CORO2B: variants seen among roughly 807,000 people sequenced by gnomAD.
CORO2B encodes the protein coronin 2B, also known as coronin-2B.
Under a neutral mutation model 58.8 loss-of-function variants are expected in CORO2B, and 26 were observed. The observed-to-expected ratio is 0.44, with a 90% CI of 0.32 to 0.61. The LOEUF (loss-of-function observed/expected upper bound fraction) is 0.61, where lower values mean the gene tolerates loss of function less well. Ranked by LOEUF, CORO2B falls within the 20% of genes least tolerant of loss-of-function variation. The pLI, the probability that CORO2B is intolerant of heterozygous loss-of-function variation, is 0.04. For missense variants in CORO2B, 460 were observed against 645.1 expected (o/e 0.71, Z 3.11); for synonymous variants, 242 against 253.8 (o/e 0.95, Z 0.44).
intron 11 of CORO2B, among the ~76,000 whole-genome samples, chr15:68,723,651 A>G (rs971730165): frequency 2.6e-5 from 4 of 151,738 alleles, no homozygotes; most frequent in African/African-American, 9.7e-5. Flanking sequence ...ATGGGGTTTC[A>G]CCATCTTGGC....
chr15:68,648,589 G>A (rs961652558), intron 2 of CORO2B, among the ~76,000 whole-genome samples: 1 of 152,056 alleles, frequency 6.6e-6, no homozygotes, highest in African/African-American at 2.4e-5. Context: ...GGTGGAGCTT[G>A]CAGTGAGCCA....
chr15:68,654,940 T>TA (rs1901757752), intron 2 of CORO2B, among the ~76,000 whole-genome samples: 1 of 152,188 alleles, frequency 6.6e-6, no homozygotes, highest in Admixed American at 6.5e-5. Context: ...AAGGTACCCA[T>TA]AGGCAAGTCA....
intron 2 of CORO2B, among the ~76,000 whole-genome samples, chr15:68,656,167 C>T (rs1425198147): frequency 2.9e-5 from 3 of 103,838 alleles, no homozygotes; most frequent in African/African-American, 4.1e-5. Context: ...CCCCTCGCAC[C>T]GTCCCCCCCG....
intron 2 of CORO2B, among the ~76,000 whole-genome samples, chr15:68,651,609 G>A (rs780826527): frequency 2.0e-5 from 3 of 152,166 alleles, no homozygotes; most frequent in Non-Finnish European, 4.4e-5. Flanking sequence ...TTGTCCCTAC[G>A]CTGAATGGCT....
intron 1 of CORO2B, among the ~76,000 whole-genome samples, chr15:68,643,999 T>C (rs1239965838): frequency 6.6e-6 from 1 of 152,080 alleles, no homozygotes; most frequent in Non-Finnish European, 1.5e-5. Flanking sequence ...ATCGCACCAT[T>C]GCACTCCAGC....
chr15:68,618,597 A>G (rs1900433406), intron 1 of CORO2B, among the ~76,000 whole-genome samples: 2 of 152,236 alleles, frequency 1.3e-5, no homozygotes, highest in Admixed American at 1.3e-4. Flanking sequence ...GGGTTATCAC[A>G]CTTGGTTCTC....
chr15:68,533,168 C>T, the CORO2B span, among the ~76,000 whole-genome samples: 1 of 152,174 alleles, frequency 6.6e-6, no homozygotes, highest in African/African-American at 2.4e-5. Context: ...CCCCAGAGAT[C>T]ATTTGGCTTA....
intron 3 of CORO2B, among the ~76,000 whole-genome samples, chr15:68,696,251 A>C (rs1892507583): frequency 7.0e-6 from 1 of 142,150 alleles, no homozygotes; most frequent in African/African-American, 2.7e-5. Flanking sequence ...CACTGTCTCA[A>C]AAAAAAAAAA....
chr15:68,670,998 A>G (rs1902373689), intron 2 of CORO2B, among the ~76,000 whole-genome samples: 1 of 152,228 alleles, frequency 6.6e-6, no homozygotes, highest in African/African-American at 2.4e-5. Flanking sequence ...GAATTCAGCT[A>G]CTATGTTTGC....
chr15:68,634,329 G>A (rs540757303), intron 1 of CORO2B, among the ~76,000 whole-genome samples: 3 of 152,308 alleles, frequency 2.0e-5, no homozygotes, highest in Non-Finnish European at 2.9e-5. Flanking sequence ...CTCGCTGGCC[G>A]GCAGGGTGGT....
the CORO2B span, among the ~76,000 whole-genome samples, chr15:68,541,968 G>A: frequency 2.0e-5 from 3 of 152,160 alleles, no homozygotes; most frequent in Admixed American, 6.5e-5. Context: ...ACCCGCCTGT[G>A]TTCCTTCTCC....
intron 3 of CORO2B, among the ~76,000 whole-genome samples, chr15:68,709,023 T>C (rs1892849413): frequency 1.3e-5 from 2 of 152,246 alleles, no homozygotes; most frequent in Non-Finnish European, 2.9e-5. Context: ...TCATAGCCTT[T>C]GGAATTATAA....
the CORO2B span, among the ~76,000 whole-genome samples, chr15:68,547,889 G>A: frequency 6.6e-6 from 1 of 152,076 alleles, no homozygotes; most frequent in Non-Finnish European, 1.5e-5. Context: ...GTACGTTTTT[G>A]GCCGGGCGTG....
chr15:68,597,597 A>G (rs1167186885), intron 1 of CORO2B, among the ~76,000 whole-genome samples: 1 of 151,358 alleles, frequency 6.6e-6, no homozygotes, highest in Non-Finnish European at 1.5e-5. Flanking sequence ...TTAGCCAATC[A>G]CTTCTCCCTA....
At chr15:68,700,740 G>C (rs1415377923) in intron 3 of CORO2B, among the ~76,000 whole-genome samples, 2 of 152,208 alleles carry the variant, frequency 1.3e-5, no homozygotes, top group Non-Finnish European at 2.9e-5. Context: ...CAGGCGGCAG[G>C]GAAGGGCGCT....
chr15:68,646,948 C>A (rs1214458342), intron 2 of CORO2B, among the ~76,000 whole-genome samples: 1 of 152,212 alleles, frequency 6.6e-6, no homozygotes, highest in Admixed American at 6.5e-5. Flanking sequence ...ACGCACTCAG[C>A]TCCATCCATC....
intron 10 of CORO2B, 38 bp downstream of exon 10, chr15:68,719,272 G>A (rs1247144652): frequency 1.9e-6 from 3 of 1,605,554 alleles, no homozygotes; most frequent in South Asian, 1.1e-5. Context: ...ACAGGCGGCT[G>A]CAGCCTTTGC....
At chr15:68,719,781 C>T (rs1005531529) in intron 11 of CORO2B, among the ~76,000 whole-genome samples, 1 of 152,240 alleles carries the variant, frequency 6.6e-6, no homozygotes, top group African/African-American at 2.4e-5. Flanking sequence ...CTCAAATTCA[C>T]TAACCCACAG....
intron 3 of CORO2B, among the ~76,000 whole-genome samples, chr15:68,707,897 G>A (rs1892819940): frequency 6.6e-6 from 1 of 152,056 alleles, no homozygotes; most frequent in Admixed American, 6.5e-5. Flanking sequence ...TGAGGAAAGA[G>A]CATTGGGGTA....
Sources: allele counts gnomAD v4.1 joint callset (sites outside exome capture counted in the v4.1 genomes callset), GRCh38; gene constraint gnomAD v4.1.1; transcripts MANE v1.5; gene names NCBI Gene and HGNC (gene_info 2026-07-23, HGNC 2026-07-21).